ENTREP2: variants seen among roughly 807,000 people sequenced by gnomAD.
The protein encoded by ENTREP2 is endosomal transmembrane epsin interactor 2.
the ENTREP2 span, among the ~76,000 whole-genome samples, chr15:29,406,201 G>A: frequency 1.3e-5 from 2 of 152,116 alleles, no homozygotes; most frequent in Admixed American, 1.3e-4. Flanking sequence ...AAATACTCAT[G>A]ACCTATTATT....
At chr15:29,360,185 C>T in the ENTREP2 span, among the ~76,000 whole-genome samples, 576 of 152,292 alleles carry the variant, frequency 3.8e-3, 3 homozygotes, top group Middle Eastern at 6.8e-3. Flanking sequence ...ACATACTTCA[C>T]AGTTATAATA....
the ENTREP2 span, chr15:29,268,837 T>G: frequency 6.2e-7 from 1 of 1,613,982 alleles, no homozygotes; most frequent in Non-Finnish European, 8.5e-7. Context: ...GGCCCTGTTC[T>G]CCTCATCTGC....
At chr15:29,613,263 C>T in the ENTREP2 span, 2 of 173,238 alleles carry the variant, frequency 1.2e-5, no homozygotes, top group Non-Finnish European at 2.5e-5. Context: ...GCTTCTAGCG[C>T]ATCGGGTAGT....
the ENTREP2 span, among the ~76,000 whole-genome samples, chr15:29,422,307 T>G: frequency 6.6e-6 from 1 of 151,684 alleles, no homozygotes; most frequent in Non-Finnish European, 1.5e-5. Flanking sequence ...AAAAAAAGAA[T>G]GAGGACATGG....
chr15:29,630,309 A>G, the ENTREP2 span, among the ~76,000 whole-genome samples: 2 of 152,056 alleles, frequency 1.3e-5, no homozygotes, highest in Non-Finnish European at 2.9e-5. Context: ...CCTGGTCTCC[A>G]TGGTTTCAGA....
the ENTREP2 span, among the ~76,000 whole-genome samples, chr15:29,179,243 G>A: frequency 1.3e-5 from 2 of 152,226 alleles, no homozygotes; most frequent in Non-Finnish European, 2.9e-5. Context: ...ACTGCTCTCC[G>A]CTCAATTTCA....
the ENTREP2 span, among the ~76,000 whole-genome samples, chr15:29,567,170 AG>A: frequency 6.6e-6 from 1 of 152,162 alleles, no homozygotes; most frequent in Non-Finnish European, 1.5e-5. Context: ...AACCACCTGC[AG>A]GGGGTCCTCA....
chr15:29,135,902 C>T, the ENTREP2 span, among the ~76,000 whole-genome samples: 1 of 150,890 alleles, frequency 6.6e-6, no homozygotes, highest in Non-Finnish European at 1.5e-5. The surrounding 1 kb of genome is among the most constrained non-coding windows in gnomAD (Gnocchi z 7.4). Context: ...GCCGGGGCGC[C>T]CTGGGTACTC....
chr15:29,278,418 G>A, the ENTREP2 span, among the ~76,000 whole-genome samples: 6 of 152,308 alleles, frequency 3.9e-5, no homozygotes, highest in East Asian at 1.2e-3. Context: ...CCCTTTCTGA[G>A]AATAGTCCTC....
chr15:29,161,944 A>C, the ENTREP2 span, among the ~76,000 whole-genome samples: 1 of 152,100 alleles, frequency 6.6e-6, no homozygotes, highest in Admixed American at 6.5e-5. Context: ...TGAAGGAAGC[A>C]GACTGCTCTT....
chr15:29,585,584 C>T, the ENTREP2 span, among the ~76,000 whole-genome samples: 1 of 152,136 alleles, frequency 6.6e-6, no homozygotes, highest in African/African-American at 2.4e-5. Context: ...AGGCCGGGCG[C>T]GGTGGCTCAC....
At chr15:29,322,171 A>G in the ENTREP2 span, among the ~76,000 whole-genome samples, 1 of 152,166 alleles carries the variant, frequency 6.6e-6, no homozygotes, top group Admixed American at 6.5e-5. Context: ...AAACTTATAT[A>G]TATGTATTAT....
the ENTREP2 span, among the ~76,000 whole-genome samples, chr15:29,307,869 T>C: frequency 6.6e-6 from 1 of 152,226 alleles, no homozygotes; most frequent in Admixed American, 6.5e-5. Context: ...CCTCCAGAAC[T>C]GAGAAAAACT....
the ENTREP2 span, among the ~76,000 whole-genome samples, chr15:29,300,366 C>CATGG: frequency 3.7e-5 from 4 of 106,966 alleles, no homozygotes; most frequent in African/African-American, 1.1e-4. Flanking sequence ...TGGGTAAATG[C>CATGG]ATGGATGGAT....
the ENTREP2 span, among the ~76,000 whole-genome samples, chr15:29,557,237 G>A: frequency 5.1e-4 from 77 of 152,232 alleles, no homozygotes; most frequent in African/African-American, 1.8e-3. Flanking sequence ...TTCCCACTGT[G>A]CTTTCAAGGG....
At chr15:29,361,446 T>C in the ENTREP2 span, among the ~76,000 whole-genome samples, 2 of 152,180 alleles carry the variant, frequency 1.3e-5, no homozygotes, top group Non-Finnish European at 2.9e-5. Flanking sequence ...ATATACAAAA[T>C]TCATTTCTCG....
the ENTREP2 span, among the ~76,000 whole-genome samples, chr15:29,336,141 C>CAAAAAA: frequency 2.6e-5 from 2 of 77,562 alleles, no homozygotes; most frequent in African/African-American, 5.1e-5. Context: ...GACTCCGTCT[C>CAAAAAA]AAAAAAAAAA....
At chr15:29,546,820 G>A in the ENTREP2 span, among the ~76,000 whole-genome samples, 7 of 146,508 alleles carry the variant, frequency 4.8e-5, no homozygotes, top group African/African-American at 1.5e-4. Flanking sequence ...CCGGGAGGCC[G>A]AACTTGCAGT....
chr15:29,572,447 G>A, the ENTREP2 span, among the ~76,000 whole-genome samples: 3 of 152,096 alleles, frequency 2.0e-5, no homozygotes, highest in African/African-American at 7.2e-5. Context: ...AGGAAGTTAT[G>A]TTCGCATTTG....
Sources: gnomAD v4.1 joint callset for allele counts (sites outside exome capture counted in the v4.1 genomes callset) on GRCh38, gnomAD v4.1.1 for gene constraint, Gnocchi (gnomAD v3.1) non-coding constraint, MANE v1.5 for transcripts, NCBI Gene and HGNC (gene_info 2026-07-23, HGNC 2026-07-21) for gene names.